The following CSNK1G1 variants were observed in gnomAD, a reference collection of about 807,000 sequenced individuals.
CSNK1G1 encodes the protein casein kinase I isoform gamma-1.
In CSNK1G1, 22 loss-of-function variants were observed where a neutral mutation model predicts 59.6. The observed-to-expected ratio is 0.37, with a 90% confidence interval of 0.26 to 0.53. The LOEUF (loss-of-function observed/expected upper bound fraction) is 0.53, where lower values mean the gene tolerates loss of function less well. CSNK1G1 is among the 20% of genes least tolerant of loss of function. The pLI is 0.89. For missense variants in CSNK1G1, 384 were observed against 519.5 expected, an observed-to-expected ratio of 0.74 and a Z score of 2.54; for synonymous variants, 179 against 177.1, an observed-to-expected ratio of 1.01 and a Z score of -0.08.
chr15:64,227,157 C>T (rs1336880731), intron 4 of CSNK1G1, among the ~76,000 whole-genome samples: 2 of 152,230 alleles, frequency 1.3e-5, no homozygotes, highest in African/African-American at 4.8e-5. Flanking sequence ...TGCTGAAATA[C>T]ACACAATACA....
chr15:64,314,845 C>T (rs960448427), intron 1 of CSNK1G1, among the ~76,000 whole-genome samples: 3 of 152,002 alleles, frequency 2.0e-5, no homozygotes, highest in East Asian at 1.9e-4. Context: ...TATGTGTGTG[C>T]GTGTGTGTGT....
intron 2 of CSNK1G1, among the ~76,000 whole-genome samples, chr15:64,261,460 G>A (rs998778089): frequency 2.6e-5 from 4 of 151,938 alleles, no homozygotes; most frequent in African/African-American, 7.3e-5. Context: ...AATTAGTTGG[G>A]GGTAGTGGTG....
chr15:64,281,996 A>G lies in CSNK1G1; in HGVS notation c.181+18323T>C, dbSNP rs561689098. Among the ~76,000 whole-genome samples the G allele has an allele frequency of 1.6e-4, 24 of 151,554 alleles. No homozygotes were observed. In the South Asian group the frequency reaches 4.8e-3, roughly 30 times the overall value. On this transcript the variant is annotated intron_variant, in intron 2 of 11. Transcript: ENST00000303052. ...GAGTGTAGTGGCGCAATCTAGGCTC[A>G]GCGCAGCCTCAACCTCCTGAGCTCA...
chr15:64,206,355 G>C (rs898509154), intron 7 of CSNK1G1, among the ~76,000 whole-genome samples: 1 of 152,044 alleles, frequency 6.6e-6, no homozygotes, highest in Non-Finnish European at 1.5e-5. Flanking sequence ...CAGGAGAATT[G>C]CTTGAACCCA....
At chr15:64,277,048 C>T (rs1314618531) in intron 2 of CSNK1G1, among the ~76,000 whole-genome samples, 1 of 151,938 alleles carries the variant, frequency 6.6e-6, no homozygotes, top group African/African-American at 2.4e-5. Context: ...TAGAACCATG[C>T]AACGTCAGTG....
chr15:64,283,397 C>A (rs531931201), intron 2 of CSNK1G1, among the ~76,000 whole-genome samples: 1 of 151,812 alleles, frequency 6.6e-6, no homozygotes, highest in African/African-American at 2.4e-5. Flanking sequence ...GGCTGGATTG[C>A]AGTGGTGTGA....
chr15:64,276,912 A>G (rs1219109124), intron 2 of CSNK1G1, among the ~76,000 whole-genome samples: 3 of 150,238 alleles, frequency 2.0e-5, no homozygotes, highest in African/African-American at 7.4e-5. Context: ...GCACCAGTGC[A>G]CTCCAGCCTG....
At chr15:64,263,104 G>A (rs919877695) in intron 2 of CSNK1G1, among the ~76,000 whole-genome samples, 4 of 145,606 alleles carry the variant, frequency 2.7e-5, no homozygotes, top group Non-Finnish European at 3.0e-5. Flanking sequence ...AAAAAAGCAA[G>A]AGTTCAAAGA....
intron 2 of CSNK1G1, among the ~76,000 whole-genome samples, chr15:64,283,022 G>T (rs1476308943): frequency 6.6e-6 from 1 of 152,116 alleles, no homozygotes; most frequent in Non-Finnish European, 1.5e-5. Flanking sequence ...AGGGTGGGAG[G>T]GGGACAAGGG....
At chr15:64,249,433 A>T (rs1459544246) in intron 4 of CSNK1G1, among the ~76,000 whole-genome samples, 1 of 152,192 alleles carries the variant, frequency 6.6e-6, no homozygotes, top group African/African-American at 2.4e-5. Context: ...TTTTAGAAGT[A>T]GTGGGTGATC....
intron 4 of CSNK1G1, among the ~76,000 whole-genome samples, chr15:64,223,375 C>T (rs1170186084): frequency 6.6e-6 from 1 of 152,126 alleles, no homozygotes; most frequent in African/African-American, 2.4e-5. Flanking sequence ...TTAAGTGCAA[C>T]ATAAGGTACA....
At chr15:64,201,706 ATG>A (rs10664838) in intron 10 of CSNK1G1, among the ~76,000 whole-genome samples, 11,598 of 126,376 alleles carry the variant, frequency 0.092, 464 homozygotes, top group African/African-American at 0.15. Context: ...TCCATTGGAC[ATG>A]TGTGTGTGTG....
Position 64,317,843 on chromosome 15 carries a change from G to A in CSNK1G1, c.-224-17120C>T, listed in dbSNP as rs1013529813. 3.3e-5 allele frequency among the ~76,000 whole-genome samples: 5 copies of A among 152,150 alleles called. No individual in the cohort carries two copies. The South Asian group carries it at 8.3e-4, about 25-fold the overall frequency. ...ATTTTTCAACTGGGAGATTTCAAAC[G>A]TGGTCTATCTTTAGCCTACAATTAG... On this transcript the variant is annotated intron_variant, in intron 1 of 11. Coordinates refer to ENST00000303052, the MANE Select transcript of CSNK1G1 (RefSeq NM_022048.5).
intron 3 of CSNK1G1, among the ~76,000 whole-genome samples, chr15:64,257,707 A>G (rs764899449): frequency 2.6e-5 from 4 of 152,054 alleles, no homozygotes; most frequent in Non-Finnish European, 5.9e-5. Context: ...TATTTTTTGT[A>G]GAGACAGGGT....
chr15:64,205,337 C>T (rs963771559), intron 7 of CSNK1G1, among the ~76,000 whole-genome samples: 1 of 152,282 alleles, frequency 6.6e-6, no homozygotes, highest in East Asian at 1.9e-4. Context: ...TCTAAAAGTA[C>T]TGCTAATCCA....
chr15:64,242,086 A>G (rs1316506658), intron 4 of CSNK1G1, among the ~76,000 whole-genome samples: 1 of 152,120 alleles, frequency 6.6e-6, no homozygotes, highest in African/African-American at 2.4e-5. Flanking sequence ...ACTATATGCT[A>G]ACAAACTGAA....
intron 1 of CSNK1G1, among the ~76,000 whole-genome samples, chr15:64,320,584 C>T (rs1373783790): frequency 6.9e-6 from 1 of 145,962 alleles, no homozygotes; most frequent in Admixed American, 7.1e-5. Context: ...GAGGCTGAGG[C>T]GGGAGAATCG....
chr15:64,172,089 C>G, intron 11 of CSNK1G1, 104 bp from the exon 12 acceptor site: 1 of 1,039,762 alleles, frequency 9.6e-7, no homozygotes. Context: ...CCCCCTAGCA[C>G]CCACCCATAG....
At chr15:64,199,865 T>C (rs1267718646) in intron 10 of CSNK1G1, among the ~76,000 whole-genome samples, 2 of 151,864 alleles carry the variant, frequency 1.3e-5, no homozygotes, top group Non-Finnish European at 2.9e-5. Flanking sequence ...AATAAATAAA[T>C]AAATAAAATT....
Sources: allele counts gnomAD v4.1 joint callset (sites outside exome capture counted in the v4.1 genomes callset), GRCh38; gene constraint gnomAD v4.1.1; transcripts MANE v1.5; gene names NCBI Gene and HGNC (gene_info 2026-07-23, HGNC 2026-07-21).